Variants in DCAF8L2 observed in about 807,000 individuals in gnomAD.
DCAF8L2 encodes the protein DDB1- and CUL4-associated factor 8-like protein 2.
For missense variants in DCAF8L2, 430 were observed against 490.7 expected (o/e 0.88, Z 1.17); for synonymous variants, 200 against 190.9 (o/e 1.05, Z -0.39).
chrX:27,505,933 A>G, the DCAF8L2 span, among the ~76,000 whole-genome samples: 8 of 112,042 alleles, frequency 7.1e-5, 1 homozygote, highest in African/African-American at 1.9e-4. Context: ...AACTTACACA[A>G]AGAAGTTATT....
intron 1 of DCAF8L2, among the ~76,000 whole-genome samples, chrX:27,601,909 A>G (rs1351956401): frequency 2.7e-5 from 3 of 111,372 alleles, no homozygotes; most frequent in Middle Eastern, 4.2e-3. Flanking sequence ...ACCAGCAAAG[A>G]AACTGCAGTT....
Position 27,709,498 on chromosome X carries a change from C to T in DCAF8L2, c.-142-6590C>T, listed in dbSNP as rs1369755952. Among the ~76,000 whole-genome samples, 2 of 111,770 alleles carry T rather than the reference C, an allele frequency of 1.8e-5. 1 individual carries two copies. Among genetic ancestry groups the T allele is most frequent in the Non-Finnish European group, 3.8e-5 (2 of 53,178 alleles). On this transcript the variant is annotated intron_variant, in intron 3 of 4. Transcript: ENST00000451261. Reference sequence around the variant, plus strand: ...CCACAAACAATAAAATATTAGCAACCGTGATGGGGTTCTTCTCACACTGTA... The same window carrying T: ...CCACAAACAATAAAATATTAGCAACTGTGATGGGGTTCTTCTCACACTGTA...
At chrX:27,514,700 AAAAAAAAAC>A in the DCAF8L2 span, among the ~76,000 whole-genome samples, 11 of 100,066 alleles carry the variant, frequency 1.1e-4, no homozygotes, top group African/African-American at 4.5e-4. Flanking sequence ...AAAAAACAAA[AAAAAAAAAC>A]AGAGTGAAAT....
chrX:27,474,765 A>G, the DCAF8L2 span, among the ~76,000 whole-genome samples: 48 of 111,749 alleles, frequency 4.3e-4, no homozygotes, highest in Non-Finnish European at 7.5e-4. Flanking sequence ...TATTGGCTCA[A>G]TGGTTAGGTA....
chrX:27,607,989 T>A (rs1270340304), intron 1 of DCAF8L2, among the ~76,000 whole-genome samples: 1 of 111,877 alleles, frequency 8.9e-6, no homozygotes, highest in Non-Finnish European at 1.9e-5. Context: ...TATGACATAG[T>A]TAATATGTAA....
At chrX:27,485,926 T>C in the DCAF8L2 span, among the ~76,000 whole-genome samples, 2 of 80,251 alleles carry the variant, frequency 2.5e-5, no homozygotes, top group African/African-American at 6.5e-5. Flanking sequence ...CTTTTTCTCT[T>C]TTTTTTTTTT....
chrX:27,507,894 T>C, the DCAF8L2 span, among the ~76,000 whole-genome samples: 1 of 111,304 alleles, frequency 9.0e-6, no homozygotes, highest in African/African-American at 3.3e-5. Flanking sequence ...TATGACACAG[T>C]GTATATCCTT....
At chrX:27,615,602 T>A (rs896165401) in intron 1 of DCAF8L2, among the ~76,000 whole-genome samples, 1 of 110,235 alleles carries the variant, frequency 9.1e-6, no homozygotes, top group African/African-American at 3.3e-5. Flanking sequence ...TGGAAATAGA[T>A]TCACTGTTCA....
At chrX:27,619,062 C>G (rs1200722800) in intron 1 of DCAF8L2, among the ~76,000 whole-genome samples, 1 of 109,305 alleles carries the variant, frequency 9.1e-6, no homozygotes, top group Non-Finnish European at 1.9e-5. Context: ...ATCTATCTAT[C>G]TATTTACTTA....
chrX:27,548,485 A>G, the DCAF8L2 span, among the ~76,000 whole-genome samples: 1 of 111,890 alleles, frequency 8.9e-6, no homozygotes, highest in Non-Finnish European at 1.9e-5. Context: ...AAAATAATCA[A>G]AAGGTTCAGG....
intron 2 of DCAF8L2, among the ~76,000 whole-genome samples, chrX:27,668,804 T>A (rs1378372643): frequency 9.0e-6 from 1 of 110,557 alleles, no homozygotes; most frequent in African/African-American, 3.3e-5. Context: ...AATACAAAAA[T>A]TAGCCAGGCG....
At chrX:27,593,628 C>A (rs1057440496) in intron 1 of DCAF8L2, among the ~76,000 whole-genome samples, 4 of 111,200 alleles carry the variant, frequency 3.6e-5, no homozygotes, top group Non-Finnish European at 5.7e-5. Flanking sequence ...CAGGGAATCC[C>A]GAGGACTTCA....
intron 4 of DCAF8L2, among the ~76,000 whole-genome samples, chrX:27,730,358 C>A (rs1484251592): frequency 1.8e-5 from 2 of 112,013 alleles, no homozygotes; most frequent in African/African-American, 6.5e-5. Flanking sequence ...GTATTGTTAA[C>A]CACAGATAAT....
chrX:27,651,504 CCT>C (rs1929148309), intron 2 of DCAF8L2, among the ~76,000 whole-genome samples: 1 of 105,322 alleles, frequency 9.5e-6, no homozygotes, highest in Admixed American at 1.0e-4. Flanking sequence ...AAGTAGATAA[CCT>C]TTTTTTTTTT....
chrX:27,620,827 C>A (rs1210039056), intron 1 of DCAF8L2, among the ~76,000 whole-genome samples: 1 of 111,455 alleles, frequency 9.0e-6, no homozygotes, highest in African/African-American at 3.3e-5. Context: ...ATATGTACCC[C>A]AAATAATTAA....
At chrX:27,481,725 C>A in the DCAF8L2 span, among the ~76,000 whole-genome samples, 1 of 111,588 alleles carries the variant, frequency 9.0e-6, no homozygotes, top group South Asian at 3.7e-4. Context: ...ATTATTCATT[C>A]ACTGAGCTAG....
the DCAF8L2 span, among the ~76,000 whole-genome samples, chrX:27,521,031 T>C: frequency 4.4e-5 from 5 of 112,409 alleles, no homozygotes; most frequent in African/African-American, 1.6e-4. Flanking sequence ...ACAGATACAT[T>C]CAAGTGTTTT....
At chrX:27,606,354 TAGGA>T (rs1397653290) in intron 1 of DCAF8L2, among the ~76,000 whole-genome samples, 35 of 36,549 alleles carry the variant, frequency 9.6e-4, no homozygotes, top group Admixed American at 1.4e-3. Context: ...TATATATATC[TAGGA>T]ATATATATAT....
At chrX:27,546,410 T>C in the DCAF8L2 span, among the ~76,000 whole-genome samples, 1 of 111,603 alleles carries the variant, frequency 9.0e-6, no homozygotes, top group Admixed American at 9.5e-5. Context: ...TGTCAGTGGA[T>C]CTACCACTCT....
Sources: gnomAD v4.1 joint callset for allele counts (sites outside exome capture counted in the v4.1 genomes callset) on GRCh38, gnomAD v4.1.1 for gene constraint, MANE v1.5 for transcripts, NCBI Gene and HGNC (gene_info 2026-07-23, HGNC 2026-07-21) for gene names.